Variants in TRPM1 observed in about 807,000 individuals in gnomAD.
The protein encoded by TRPM1 is TRPM1-203 APA Isoform, Intron 10.
A neutral mutation model predicts 149.4 loss-of-function variants in TRPM1; 113 were observed. That is an observed-to-expected ratio of 0.76 (90% CI 0.65 to 0.88). The LOEUF is 0.88. Among genes scored for constraint, TRPM1 ranks in the 40% least tolerant of loss-of-function variants. The pLI is 0.00. For missense variants in TRPM1, 1,976 were observed against 2,038.7 expected (o/e 0.97, Z 0.59); for synonymous variants, 741 against 759.5 (o/e 0.98, Z 0.40).
At chr15:31,090,872 AACTT>A (rs1013407358) in intron 1 of TRPM1, among the ~76,000 whole-genome samples, 2 of 152,162 alleles carry the variant, frequency 1.3e-5, no homozygotes, top group African/African-American at 4.8e-5. Context: ...GACCTTGGCC[AACTT>A]ACTTAACTTT....
chr15:31,067,880 T>A lies in TRPM1; in HGVS notation c.492A>T (p.Thr164=). Reference sequence around the variant, plus strand: ...GGGAGGGAAAGGGCCTGCTCTTACCTGTGCTGACACCCCCGGTGAAGATCC... The same window carrying A: ...GGGAGGGAAAGGGCCTGCTCTTACCAGTGCTGACACCCCCGGTGAAGATCC... ...GAWIFTGGVS[T]GVISHVGDAL... The change falls in exon 5 of 28, where the codon ACA becomes ACT. Residue 164 remains threonine, a splice_region_variant and synonymous_variant. Coordinates refer to ENST00000256552, the MANE Select transcript of TRPM1 (RefSeq NM_001252024.2). 6.2e-7 allele frequency: 1 copy of A among 1,612,708 alleles called. No homozygotes were observed. The highest frequency in any genetic ancestry group is 8.5e-7 in the Non-Finnish European group (1 of 1,179,908).
intron 1 of TRPM1, among the ~76,000 whole-genome samples, chr15:31,091,131 AT>A (rs1191667220): frequency 6.6e-6 from 1 of 152,176 alleles, no homozygotes; most frequent in Non-Finnish European, 1.5e-5. Context: ...GACTGATGAC[AT>A]TGTCTGCAAT....
chr15:31,113,865 G>T (rs146480897), intron 1 of TRPM1, among the ~76,000 whole-genome samples: 1 of 152,174 alleles, frequency 6.6e-6, no homozygotes, highest in African/African-American at 2.4e-5. Flanking sequence ...CCACACGCTG[G>T]AAGGGTACCG....
At chr15:31,113,833 G>T (rs564418512) in intron 1 of TRPM1, among the ~76,000 whole-genome samples, 8 of 152,232 alleles carry the variant, frequency 5.3e-5, no homozygotes, top group Non-Finnish European at 7.4e-5. Context: ...GTGAAGATGT[G>T]AACAGCAAAA....
chr15:31,161,134 G>T (rs899073246), exon 1 of TRPM1: 3 of 636,784 alleles, frequency 4.7e-6, no homozygotes, highest in Non-Finnish European at 8.2e-6. Flanking sequence ...GGGCGAGGCC[G>T]GCCGGAGGCT....
At chr15:31,068,652 G>A (rs1018346463) in intron 4 of TRPM1, among the ~76,000 whole-genome samples, 3 of 149,380 alleles carry the variant, frequency 2.0e-5, no homozygotes, top group African/African-American at 7.4e-5. Flanking sequence ...GCTGAGGCAG[G>A]AGGATCACTT....
intron 1 of TRPM1, among the ~76,000 whole-genome samples, chr15:31,138,781 C>T (rs1194125192): frequency 6.6e-6 from 1 of 151,986 alleles, no homozygotes; most frequent in Non-Finnish European, 1.5e-5. Context: ...AACTTCTTGG[C>T]ACTTAGCTGA....
intron 1 of TRPM1, among the ~76,000 whole-genome samples, chr15:31,086,221 A>G (rs904779586): frequency 1.3e-5 from 2 of 152,190 alleles, no homozygotes; most frequent in South Asian, 4.1e-4. Flanking sequence ...GCATCAGACC[A>G]GGCTGGGAGG....
chr15:31,098,141 A>C (rs2035433576), intron 1 of TRPM1, among the ~76,000 whole-genome samples: 1 of 152,204 alleles, frequency 6.6e-6, no homozygotes, highest in Non-Finnish European at 1.5e-5. Context: ...GAGGTCTAGA[A>C]TAATACACAT....
intron 1 of TRPM1, among the ~76,000 whole-genome samples, chr15:31,089,173 T>G (rs1239176457): frequency 6.6e-6 from 1 of 152,178 alleles, no homozygotes; most frequent in African/African-American, 2.4e-5. Flanking sequence ...TGGTGTTGCA[T>G]TATTGTGCAA....
intron 27 of TRPM1, among the ~76,000 whole-genome samples, chr15:31,016,986 CACAAAAAA>C (rs1410362622): frequency 4.0e-5 from 4 of 100,276 alleles, no homozygotes; most frequent in Non-Finnish European, 8.6e-5. Flanking sequence ...CACACACACA[CACAAAAAA>C]AAAACTTGTT....
chr15:31,048,459 A>G (rs2033845537), intron 13 of TRPM1, among the ~76,000 whole-genome samples: 1 of 152,016 alleles, frequency 6.6e-6, no homozygotes, highest in Admixed American at 6.6e-5. Context: ...TTTCTGTTGC[A>G]TTTTTTTAAA....
chr15:31,136,148 A>T (rs2036085393), intron 1 of TRPM1, among the ~76,000 whole-genome samples: 1 of 150,508 alleles, frequency 6.6e-6, no homozygotes, highest in Non-Finnish European at 1.5e-5. Flanking sequence ...TATCTCTGGG[A>T]GAGTGGGAGG....
intron 1 of TRPM1, among the ~76,000 whole-genome samples, chr15:31,082,324 G>A (rs1194813343): frequency 1.3e-5 from 2 of 152,180 alleles, no homozygotes; most frequent in Non-Finnish European, 2.9e-5. Context: ...AAGAGTGCTT[G>A]TCCCAGCTGG....
At chr15:31,116,154 A>C (rs1372736667) in intron 1 of TRPM1, among the ~76,000 whole-genome samples, 1 of 152,142 alleles carries the variant, frequency 6.6e-6, no homozygotes, top group Non-Finnish European at 1.5e-5. Flanking sequence ...GGGGGAGGAA[A>C]AATACCAAAC....
chr15:31,049,425 T>A lies in TRPM1; in HGVS notation c.1522A>T (p.Asn508Tyr). 6.2e-7 allele frequency: 1 copy of A among 1,614,188 alleles called. No individual in the cohort carries two copies. ...FVKLLIENGV[N>Y]MQHFLTIPRL... is the part of the protein sequence containing the mutation. ...GGAATGGTCAGAAAGTGTTGCATGT[T>A]CACTCCGTTTTCAATCAGGAGCTTC... The change falls in exon 13 of 28, where the codon AAC (asparagine) becomes TAC (tyrosine). Residue 508 changes from asparagine (N) to tyrosine (Y), a missense_variant. Physicochemically the swap from Asn to Tyr is moderately radical, Grantham distance 143. This residue lies in a region of TRPM1 where 1,332 missense variants were observed against 1,347.1 expected (regional missense o/e 0.99). Transcript: ENST00000256552.
chr15:31,093,567 C>G (rs2035297782), intron 1 of TRPM1, among the ~76,000 whole-genome samples: 1 of 151,226 alleles, frequency 6.6e-6, no homozygotes, highest in African/African-American at 2.4e-5. Flanking sequence ...TCATGAATTG[C>G]AATGGGCTAA....
chr15:31,039,740 G>T (rs542577074), intron 18 of TRPM1, among the ~76,000 whole-genome samples: 1 of 152,202 alleles, frequency 6.6e-6, no homozygotes, highest in Non-Finnish European at 1.5e-5. Context: ...TAGAAACAGA[G>T]TTCCAGTCCC....
intron 1 of TRPM1, among the ~76,000 whole-genome samples, chr15:31,090,572 G>A (rs1177020878): frequency 4.6e-5 from 7 of 151,938 alleles, no homozygotes; most frequent in African/African-American, 1.7e-4. Context: ...GGGAGGCAGA[G>A]GTTACGGTGA....
Sources: allele counts gnomAD v4.1 joint callset (sites outside exome capture counted in the v4.1 genomes callset), GRCh38; gene constraint gnomAD v4.1.1; regional missense constraint gnomAD v4.1.1; transcripts MANE v1.5; gene names NCBI Gene and HGNC (gene_info 2026-07-23, HGNC 2026-07-21).